Variants in RAB33A observed in about 807,000 individuals in gnomAD.
The protein encoded by RAB33A is ras-related protein Rab-33A.
Under a neutral mutation model 12.0 loss-of-function variants are expected in RAB33A, and 6 were observed. The observed-to-expected ratio is 0.50, with a 90% CI of 0.27 to 0.99. RAB33A has a LOEUF of 0.99. Among genes scored for constraint, RAB33A ranks in the 50% least tolerant of loss-of-function variants. The pLI, the probability that RAB33A is intolerant of heterozygous loss-of-function variation, is 0.11. For missense variants in RAB33A, 109 were observed against 192.0 expected, an observed-to-expected ratio of 0.57 and a Z score of 2.55; for synonymous variants, 70 against 82.4, an observed-to-expected ratio of 0.85 and a Z score of 0.81.
At chrX:130,181,161 TAGA>T (rs1329074575) in intron 1 of RAB33A, among the ~76,000 whole-genome samples, 2 of 109,416 alleles carry the variant, frequency 1.8e-5, no homozygotes, top group Non-Finnish European at 3.8e-5. Flanking sequence ...GAAATCAGAA[TAGA>T]AGAAGGGTTC....
the RAB33A span, chrX:130,145,649 T>C: frequency 1.3e-6 from 1 of 797,336 alleles, no homozygotes. Context: ...TAAAACTGTT[T>C]CCATTATCAG....
chrX:130,180,372 G>A (rs1169031290), intron 1 of RAB33A, among the ~76,000 whole-genome samples: 3 of 112,729 alleles, frequency 2.7e-5, no homozygotes. Flanking sequence ...GGCTGAGGCA[G>A]GTGGATCGGC....
chrX:130,111,785 G>C, the RAB33A span, among the ~76,000 whole-genome samples: 2 of 112,236 alleles, frequency 1.8e-5, no homozygotes, highest in Non-Finnish European at 3.8e-5. Flanking sequence ...AGCCACTCAG[G>C]CACGCTCCCC....
At chrX:130,115,052 C>T in the RAB33A span, among the ~76,000 whole-genome samples, 3 of 111,084 alleles carry the variant, frequency 2.7e-5, no homozygotes, top group African/African-American at 9.8e-5. Context: ...GATTCTCTCA[C>T]CTCGGCCTCC....
chrX:130,140,625 A>G, the RAB33A span: 1 of 1,169,405 alleles, frequency 8.6e-7, no homozygotes, highest in Non-Finnish European at 1.2e-6. Context: ...TACCTGGTAC[A>G]GTCACACACA....
the RAB33A span, chrX:130,165,684 C>T: frequency 8.9e-7 from 1 of 1,125,788 alleles, no homozygotes; most frequent in Non-Finnish European, 1.2e-6. Context: ...GGGACCTCCT[C>T]CTTCCCTTTC....
the RAB33A span, chrX:130,131,715 T>C: frequency 9.9e-6 from 12 of 1,210,621 alleles, no homozygotes; most frequent in East Asian, 3.5e-4. Flanking sequence ...CTTGTGCAGT[T>C]GCTTTTGCAA....
At chrX:130,128,183 A>T in the RAB33A span, among the ~76,000 whole-genome samples, 21 of 111,644 alleles carry the variant, frequency 1.9e-4, no homozygotes, top group Non-Finnish European at 3.0e-4. Flanking sequence ...CCCAATATTT[A>T]AAAAAAATCC....
the RAB33A span, chrX:130,147,739 A>C: frequency 8.3e-7 from 1 of 1,212,117 alleles, no homozygotes; most frequent in Non-Finnish European, 1.1e-6. Flanking sequence ...AAGCAAAAAA[A>C]CATGCACCTT....
the RAB33A span, among the ~76,000 whole-genome samples, chrX:130,166,434 T>C: frequency 3.6e-5 from 4 of 112,274 alleles, no homozygotes; most frequent in Admixed American, 9.5e-5. Flanking sequence ...GTTTCTGTGC[T>C]TGGGAGCAGG....
At chrX:130,158,531 C>T in the RAB33A span, among the ~76,000 whole-genome samples, 1 of 109,893 alleles carries the variant, frequency 9.1e-6, no homozygotes, top group Non-Finnish European at 1.9e-5. Context: ...TAACAAGTTC[C>T]CAGGGGATGC....
the RAB33A span, among the ~76,000 whole-genome samples, chrX:130,123,947 A>C: frequency 8.9e-6 from 1 of 111,740 alleles, no homozygotes; most frequent in Non-Finnish European, 1.9e-5. Context: ...GGAAAAGCCT[A>C]GAATAGGCTG....
the RAB33A span, among the ~76,000 whole-genome samples, chrX:130,139,113 C>A: frequency 4.6e-5 from 5 of 109,633 alleles, no homozygotes; most frequent in Admixed American, 4.9e-4. Flanking sequence ...CTAGGAAGAA[C>A]TTAAAAGACA....
chrX:130,150,681 T>C, the RAB33A span, among the ~76,000 whole-genome samples: 1 of 105,536 alleles, frequency 9.5e-6, no homozygotes, highest in African/African-American at 3.4e-5. Flanking sequence ...GACTTAACAT[T>C]ACAATGCTTT....
the RAB33A span, chrX:130,133,578 T>C: frequency 2.2e-6 from 2 of 920,180 alleles, no homozygotes; most frequent in Admixed American, 5.0e-5. Flanking sequence ...GTTTTCCATC[T>C]ACAGGCCAGA....
At chrX:130,111,343 C>T in the RAB33A span, among the ~76,000 whole-genome samples, 1 of 112,790 alleles carries the variant, frequency 8.9e-6, no homozygotes, top group Non-Finnish European at 1.9e-5. Context: ...GGGAAGGTTT[C>T]GTCCAGCCCC....
At chrX:130,156,345 A>T in the RAB33A span, 3 of 1,038,103 alleles carry the variant, frequency 2.9e-6, no homozygotes, top group East Asian at 6.1e-5. Context: ...CTTTTTGAAA[A>T]TTTTTCCAAA....
the RAB33A span, chrX:130,137,516 T>G: frequency 5.1e-5 from 59 of 1,167,051 alleles, no homozygotes; most frequent in Admixed American, 7.8e-5. Context: ...GATGCCCTGA[T>G]TTCATATATC....
intron 1 of RAB33A, among the ~76,000 whole-genome samples, chrX:130,182,158 AT>A (rs1423116795): frequency 0.038 from 1,617 of 42,764 alleles, 31 homozygotes; most frequent in South Asian, 0.071. Context: ...AAAAAAAAAA[AT>A]ATATATATAT....
Sources: allele counts gnomAD v4.1 joint callset (sites outside exome capture counted in the v4.1 genomes callset), GRCh38; gene constraint gnomAD v4.1.1; transcripts MANE v1.5; gene names NCBI Gene and HGNC (gene_info 2026-07-23, HGNC 2026-07-21).